EGFLAM: variants seen among roughly 807,000 people sequenced by gnomAD.
EGFLAM encodes pikachurin.
In EGFLAM, 79 loss-of-function variants were observed where a neutral mutation model predicts 113.1. The observed-to-expected ratio is 0.70, with a 90% confidence interval of 0.58 to 0.84. The LOEUF (loss-of-function observed/expected upper bound fraction) is 0.84. Ranked by LOEUF, EGFLAM falls within the 40% of genes least tolerant of loss-of-function variation. The pLI is 0.00. For synonymous variants in EGFLAM, 504 were observed against 487.6 expected (o/e 1.03, Z -0.44); for missense variants, 1,265 against 1,291.6 (o/e 0.98, Z 0.32).
chr5:38,401,666 GT>G (rs958569185), intron 6 of EGFLAM, among the ~76,000 whole-genome samples: 37 of 152,306 alleles, frequency 2.4e-4, no homozygotes, highest in African/African-American at 8.9e-4. Flanking sequence ...TCTCAAAGGT[GT>G]TGACCTTTGT....
At chr5:38,454,636 G>T (rs977366640) in intron 19 of EGFLAM, among the ~76,000 whole-genome samples, 1 of 152,156 alleles carries the variant, frequency 6.6e-6, no homozygotes, top group Non-Finnish European at 1.5e-5. Flanking sequence ...CACGGGCCCT[G>T]CGCCCAAGGG....
chr5:38,352,376 C>G lies in EGFLAM; in HGVS notation c.545+45C>G, dbSNP rs765134039. The G allele has an allele frequency of 1.6e-5, 25 of 1,604,414 alleles. No individual in the cohort carries two copies. In the South Asian group the frequency reaches 2.8e-4, roughly 18 times the overall value. The stretch of plus-strand genomic sequence containing the variant: ...TCAAAAGCCAAATGTGTGCTGGGCG[C>G]GGTGGCTCACACCTGTAATCCCAGC... On this transcript the variant is annotated intron_variant, in intron 5 of 21. Coordinates refer to ENST00000322350, the MANE Select transcript of EGFLAM (RefSeq NM_152403.4).
chr5:38,372,144 C>CT (rs370743910), intron 6 of EGFLAM, among the ~76,000 whole-genome samples: 242 of 145,270 alleles, frequency 1.7e-3, no homozygotes, highest in Non-Finnish European at 2.0e-3. Context: ...CATACTGCTC[C>CT]TTTTTTTTTT....
rs758116154 is a variant in EGFLAM at position 38,425,032 on chromosome 5, A to G, written c.1750A>G (p.Lys584Glu). Residue 584 changes from lysine to glutamate, a missense_variant, in exon 13 of 22, where the codon AAA (lysine) becomes GAA (glutamate). By Grantham distance (56) the Lys-to-Glu change is moderately conservative (BLOSUM62 1). Coordinates refer to ENST00000322350, the MANE Select transcript of EGFLAM (RefSeq NM_152403.4). Reference protein sequence around the residue: ...CIHGGTCTAIKADSYICLCPL... With the variant: ...CIHGGTCTAIEADSYICLCPL... Reference sequence around the variant, plus strand: ...CCATGGTGGCACCTGCACAGCAATCAAAGCCGACTCCTACATTTGCCTCTG... The same window carrying G: ...CCATGGTGGCACCTGCACAGCAATCGAAGCCGACTCCTACATTTGCCTCTG... 8 of 1,614,002 alleles carry G rather than the reference A, an allele frequency of 5.0e-6. No homozygotes were observed. In the African/African-American group the frequency reaches 6.7e-5, roughly 13 times the overall value.
At chr5:38,293,436 A>T (rs987621938) in intron 1 of EGFLAM, among the ~76,000 whole-genome samples, 25 of 152,232 alleles carry the variant, frequency 1.6e-4, no homozygotes, top group African/African-American at 6.0e-4. Context: ...TAAAACAATG[A>T]TCAATGCTAT....
intron 1 of EGFLAM, among the ~76,000 whole-genome samples, chr5:38,272,410 G>T (rs367897493): frequency 6.6e-6 from 1 of 152,202 alleles, no homozygotes; most frequent in East Asian, 1.9e-4. Context: ...GCTTGTGTGG[G>T]AATGGCATCG....
intron 6 of EGFLAM, 136 bp from the exon 7 acceptor site, chr5:38,405,990 C>G (rs979882683): frequency 6.9e-6 from 5 of 721,432 alleles, no homozygotes; most frequent in Non-Finnish European, 1.2e-5. Context: ...GCTTCCTTTT[C>G]TGTGTTGAAT....
chr5:38,392,213 G>T (rs187678233), intron 6 of EGFLAM, among the ~76,000 whole-genome samples: 62 of 152,144 alleles, frequency 4.1e-4, no homozygotes, highest in Admixed American at 3.4e-3. Flanking sequence ...GAAGTATTTG[G>T]TTTTCTGTTT....
At chr5:38,403,439 A>G (rs1206537555) in intron 6 of EGFLAM, 1 of 158,214 alleles carries the variant, frequency 6.3e-6, no homozygotes, top group Admixed American at 6.1e-5. Context: ...TCTCTTTGGC[A>G]TATCTGAATC....
intron 6 of EGFLAM, among the ~76,000 whole-genome samples, chr5:38,399,277 GTTTTT>G (rs797021726): frequency 0.053 from 6,259 of 118,446 alleles, 481 homozygotes; most frequent in African/African-American, 0.18. Flanking sequence ...TTTTGTTTTC[GTTTTT>G]TTTTTTTTTT....
At chr5:38,360,288 G>T (rs1032136754) in intron 5 of EGFLAM, among the ~76,000 whole-genome samples, 1 of 152,182 alleles carries the variant, frequency 6.6e-6, no homozygotes, top group Non-Finnish European at 1.5e-5. Context: ...CAGAATTGAG[G>T]CTTATACCCT....
At chr5:38,407,683 G>A (rs981559707) in intron 8 of EGFLAM, 122 bp from the exon 9 acceptor site, 23 of 645,584 alleles carry the variant, frequency 3.6e-5, no homozygotes, top group African/African-American at 7.4e-5. Context: ...AGAAGATAGC[G>A]AAGTTGAATA....
chr5:38,384,137 A>C (rs1208727264), intron 6 of EGFLAM, among the ~76,000 whole-genome samples: 1 of 152,158 alleles, frequency 6.6e-6, no homozygotes, highest in African/African-American at 2.4e-5. Flanking sequence ...AGAAGGAATA[A>C]GGAGGCAATT....
chr5:38,393,893 G>T (rs1382175095), intron 6 of EGFLAM, among the ~76,000 whole-genome samples: 2 of 152,228 alleles, frequency 1.3e-5, no homozygotes, highest in East Asian at 3.9e-4. Flanking sequence ...CCGGTGTCCA[G>T]GAAGAATCAG....
intron 1 of EGFLAM, among the ~76,000 whole-genome samples, chr5:38,329,095 G>A (rs192909316): frequency 6.6e-5 from 10 of 152,010 alleles, no homozygotes; most frequent in Admixed American, 6.6e-4. Flanking sequence ...GACCAGCCTG[G>A]GTAACATAGT....
Position 38,264,558 on chromosome 5 carries a change from CA to C in EGFLAM, c.97+5708del, listed in dbSNP as rs1757585627. Among the ~76,000 whole-genome samples, 5 of 152,252 alleles carry C rather than the reference CA, an allele frequency of 3.3e-5. No homozygotes were observed. In the South Asian group the frequency reaches 8.3e-4, roughly 25 times the overall value. ...TGGCTAAGGGGCAGTGGCCAGGGAT[CA>C]GGGGTCATCCTGGTCTACTTCCCCA... On this transcript the variant is annotated intron_variant, in intron 1 of 21. Transcript: ENST00000322350.
chr5:38,464,420 C>CT lies in EGFLAM; in HGVS notation c.*435dup, dbSNP rs1743400873. Reference sequence around the variant, plus strand: ...GACACTCTTCCTGACAGCAGAATGACTGTGTGACCTTGAACTTCACATTTC... The same window carrying CT: ...GACACTCTTCCTGACAGCAGAATGACTTGTGTGACCTTGAACTTCACATTTC... On this transcript the variant is annotated 3_prime_UTR_variant, in exon 22 of 22. Coordinates refer to ENST00000322350, the MANE Select transcript of EGFLAM (RefSeq NM_152403.4). 1 of 171,484 alleles carries CT rather than the reference C, an allele frequency of 5.8e-6. No individual in the cohort carries two copies. The highest frequency in any genetic ancestry group is 2.4e-5 in the African/African-American group (1 of 42,094). The allele number at this position is 171,484 out of a possible 1,614,324, so 10.6% of individuals were successfully genotyped here.
intron 17 of EGFLAM, among the ~76,000 whole-genome samples, chr5:38,439,866 A>G (rs1435269329): frequency 6.6e-6 from 1 of 152,212 alleles, no homozygotes; most frequent in Non-Finnish European, 1.5e-5. Flanking sequence ...TTACCACAGG[A>G]GCATCCAATT....
intron 5 of EGFLAM, among the ~76,000 whole-genome samples, chr5:38,363,251 C>T (rs142692082): frequency 6.6e-6 from 1 of 152,148 alleles, no homozygotes; most frequent in Non-Finnish European, 1.5e-5. Flanking sequence ...GGTTTCCTCT[C>T]ACCCCTGTTG....
Sources: gnomAD v4.1 joint callset for allele counts (sites outside exome capture counted in the v4.1 genomes callset) on GRCh38, gnomAD v4.1.1 for gene constraint, MANE v1.5 for transcripts, NCBI Gene and HGNC (gene_info 2026-07-23, HGNC 2026-07-21) for gene names.